Variants in KAT6B observed in about 807,000 individuals in gnomAD.
KAT6B encodes histone acetyltransferase KAT6B.
In KAT6B, 10 loss-of-function variants were observed where a neutral mutation model predicts 187.5. That is an observed-to-expected ratio of 0.05 (90% CI 0.03 to 0.09). KAT6B has a LOEUF of 0.09. Among genes scored for constraint, KAT6B ranks in the 10% least tolerant of loss-of-function variants. The probability of loss-of-function intolerance (pLI) is 1.00; values close to 1 mark genes in which losing one functional copy is unlikely to be tolerated. For missense variants in KAT6B, 1,952 were observed against 2,558.9 expected, an observed-to-expected ratio of 0.76 and a Z score of 5.12; for synonymous variants, 861 against 926.8, an observed-to-expected ratio of 0.93 and a Z score of 1.29.
intron 13 of KAT6B, 37 bp downstream of exon 13, chr10:74,989,149 A>T: frequency 7.1e-7 from 1 of 1,411,154 alleles, no homozygotes; most frequent in Non-Finnish European, 1.0e-6. Context: ...ATGATCCAGG[A>T]AGCTGATGGC....
At chr10:74,909,113 C>T (rs1401074943) in intron 3 of KAT6B, among the ~76,000 whole-genome samples, 1 of 152,208 alleles carries the variant, frequency 6.6e-6, no homozygotes, top group Non-Finnish European at 1.5e-5. Flanking sequence ...GTGGCTCACA[C>T]CTGTAATCCC....
intron 13 of KAT6B, among the ~76,000 whole-genome samples, chr10:74,992,555 CGATCAAGTATGGTTTTTACT>C (rs1309986947): frequency 6.6e-6 from 1 of 152,120 alleles, no homozygotes; most frequent in Non-Finnish European, 1.5e-5. Flanking sequence ...GCCCAGGAAA[CGATCAAGTATGGTTTTTACT>C]GATCATACCA....
chr10:74,907,510 TTTTTTC>T (rs774952241), intron 3 of KAT6B, among the ~76,000 whole-genome samples: 173 of 152,238 alleles, frequency 1.1e-3, no homozygotes, highest in East Asian at 3.1e-3. Context: ...GTGACTTTTC[TTTTTTC>T]TTTTTCTTTT....
intron 3 of KAT6B, among the ~76,000 whole-genome samples, chr10:74,958,882 A>G (rs1589705016): frequency 6.6e-6 from 1 of 151,788 alleles, no homozygotes; most frequent in South Asian, 2.1e-4. Flanking sequence ...TACTAAAAAT[A>G]TAAAAATTAG....
intron 4 of KAT6B, among the ~76,000 whole-genome samples, chr10:74,969,191 T>C (rs952651705): frequency 3.9e-5 from 6 of 152,198 alleles, no homozygotes; most frequent in South Asian, 2.1e-4. Flanking sequence ...TCTGTAGTTA[T>C]GTTAAGCAGC....
At chr10:74,946,990 C>CTGTT (rs1007328764) in intron 3 of KAT6B, among the ~76,000 whole-genome samples, 1 of 151,796 alleles carries the variant, frequency 6.6e-6, no homozygotes, top group African/African-American at 2.4e-5. Context: ...GAAAAAAAAA[C>CTGTT]TGTTTGTTTG....
At chr10:74,836,566 G>A (rs940848332) in intron 1 of KAT6B, among the ~76,000 whole-genome samples, 1 of 152,058 alleles carries the variant, frequency 6.6e-6, no homozygotes, top group East Asian at 1.9e-4. Flanking sequence ...ACATGTTTTG[G>A]GCCTGAAGCA....
At position 74,975,873 on chromosome 10, in the gene KAT6B, G is replaced by A. The variant is rs769547419; in HGVS notation, c.1536G>A (p.Thr512=). The change falls in exon 8 of 18, where the codon ACG becomes ACA. Residue 512 remains threonine, a synonymous_variant. Transcript: ENST00000287239. ...GCCCCAGTTCACAAAAGTCCAGCAC[G>A]GCCACTTCTTCTCCCTCTCCCCAGA... ...GQSPSSQKSS[T]ATSSPSPQSS... 1.6e-5 allele frequency: 26 copies of A among 1,613,918 alleles called. No individual in the cohort carries two copies. The highest frequency in any genetic ancestry group is 1.5e-4 in the African/African-American group (11 of 74,928).
In KAT6B at chr10:74,986,073, G is replaced by GAACTCCATCTCAAAAACAAAACAAAACAA. The variant is rs1842788257; in HGVS notation, c.2535+835_2535+836insTCCATCTCAAAAACAAAACAAAACAAAAC. ...AACAAAACAAAACAAAACAAAACAA[G>GAACTCCATCTCAAAAACAAAACAAAACAA]AACAAAGAAAGCCTAAGTATCTCTG... On this transcript the variant is annotated intron_variant, in intron 12 of 17. Transcript: ENST00000287239. Among the ~76,000 whole-genome samples, 28 of 152,128 alleles carry GAACTCCATCTCAAAAACAAAACAAAACAA rather than the reference G, an allele frequency of 1.8e-4. No individual in the cohort carries two copies. The South Asian group carries it at 5.6e-3, about 31-fold the overall frequency.
In KAT6B at chr10:74,909,174, T is replaced by C. The variant is rs561925724; in HGVS notation, c.622-50796T>C. 1.6e-4 allele frequency among the ~76,000 whole-genome samples: 25 copies of C among 152,290 alleles called. No homozygotes were observed. In the South Asian group the frequency reaches 5.0e-3, roughly 30 times the overall value. ...TCACCTTAGGTCAGGAGTTCGAGACTAGCCTTGCCACAATGGCGAAACCCC... is the reference window on the plus strand; with the variant it reads ...TCACCTTAGGTCAGGAGTTCGAGACCAGCCTTGCCACAATGGCGAAACCCC... On this transcript the variant is annotated intron_variant, in intron 3 of 17. Transcript: ENST00000287239.
Position 74,890,759 on chromosome 10 carries a change from A to C in KAT6B, c.621+47281A>C, listed in dbSNP as rs535547840. Among the ~76,000 whole-genome samples the C allele has an allele frequency of 1.6e-4, 25 of 152,338 alleles. No homozygotes were observed. In the South Asian group the frequency reaches 5.0e-3, roughly 30 times the overall value. On this transcript the variant is annotated intron_variant, in intron 3 of 17. Transcript: ENST00000287239. ...TTTTACATTTAATCTTTTGGTTACC[A>C]ATTTTTTTTTGTACCATCATTGGTT... is the stretch of plus-strand genomic sequence containing the variant.
chr10:74,946,736 A>G (rs941213573), intron 3 of KAT6B, among the ~76,000 whole-genome samples: 5 of 152,144 alleles, frequency 3.3e-5, no homozygotes, highest in African/African-American at 4.8e-5. Context: ...GGAAGTGGAA[A>G]GGTATGAGCA....
intron 3 of KAT6B, among the ~76,000 whole-genome samples, chr10:74,846,024 C>T (rs985022022): frequency 4.0e-5 from 6 of 151,746 alleles, no homozygotes; most frequent in Admixed American, 6.6e-5. Context: ...CCACCACGCC[C>T]GGCTAATTTT....
At chr10:74,979,197 T>G (rs1482075245) in intron 9 of KAT6B, 27 bp from the exon 10 acceptor site, 1 of 1,486,688 alleles carries the variant, frequency 6.7e-7, no homozygotes, top group East Asian at 2.3e-5. Context: ...TATATATTAT[T>G]ATTTTCCTTT....
intron 13 of KAT6B, among the ~76,000 whole-genome samples, chr10:75,008,723 G>T (rs1020273791): frequency 6.6e-6 from 1 of 152,122 alleles, no homozygotes; most frequent in African/African-American, 2.4e-5. Flanking sequence ...AATGATGCCC[G>T]TGAATTTGTT....
chr10:74,853,545 C>T (rs867189413), intron 3 of KAT6B, among the ~76,000 whole-genome samples: 2 of 151,918 alleles, frequency 1.3e-5, no homozygotes, highest in African/African-American at 4.8e-5. Context: ...TCACACACCT[C>T]GGCCTCCCAA....
intron 3 of KAT6B, among the ~76,000 whole-genome samples, chr10:74,847,278 A>G (rs1309204549): frequency 6.6e-6 from 1 of 152,278 alleles, no homozygotes; most frequent in Non-Finnish European, 1.5e-5. Context: ...GACTAATTCT[A>G]TTAAGTAATC....
chr10:74,982,296 TC>T (rs1258797172), intron 11 of KAT6B: 9 of 313,662 alleles, frequency 2.9e-5, no homozygotes, highest in African/African-American at 8.7e-5. Flanking sequence ...TGCTCACTCT[TC>T]CAGGGAATTG....
chr10:74,843,374 A>G lies in KAT6B; in HGVS notation c.517A>G (p.Arg173Gly), dbSNP rs1016091384. Residue 173 changes from arginine to glycine, a missense_variant, in exon 3 of 18, where the codon AGG becomes GGG. Coordinates refer to ENST00000287239, the MANE Select transcript of KAT6B (RefSeq NM_012330.4). The stretch of plus-strand genomic sequence containing the variant: ...GTTACTGAAAGACGGACCGCAGTAC[A>G]GGGTCAATTATGGGAGCTTAGATGG... ...GRLLKDGPQY[R>G]VNYGSLDGKG... 4 of 1,613,828 alleles carry G rather than the reference A, an allele frequency of 2.5e-6. No homozygotes were observed. Among genetic ancestry groups the G allele is most frequent in the Middle Eastern group, 1.7e-4 (1 of 6,060 alleles).
Sources: allele counts gnomAD v4.1 joint callset (sites outside exome capture counted in the v4.1 genomes callset), GRCh38; gene constraint gnomAD v4.1.1; transcripts MANE v1.5; gene names NCBI Gene and HGNC (gene_info 2026-07-23, HGNC 2026-07-21).